FOCAD: variants seen among roughly 807,000 people sequenced by gnomAD.
The protein encoded by FOCAD is KIAA1797.
FOCAD carries 198 observed loss-of-function variants against 225.6 expected under a neutral mutation model. That is an observed-to-expected ratio of 0.88 (90% CI 0.78 to 0.99). The LOEUF (loss-of-function observed/expected upper bound fraction) is 0.99, where lower values mean the gene tolerates loss of function less well. FOCAD is among the 50% of genes least tolerant of loss of function. The probability of loss-of-function intolerance (pLI) is 0.00; values close to 1 mark genes in which losing one functional copy is unlikely to be tolerated. For missense variants in FOCAD, 2,713 were observed against 2,123.6 expected (o/e 1.28, Z -5.46); for synonymous variants, 897 against 755.0 (o/e 1.19, Z -3.08).
chr9:20,869,846 A>G (rs1405226779), intron 18 of FOCAD, among the ~76,000 whole-genome samples: 1 of 152,174 alleles, frequency 6.6e-6, no homozygotes, highest in Non-Finnish European at 1.5e-5. Flanking sequence ...TAATCACTTA[A>G]AGCACACAGA....
At chr9:20,664,527 A>T (rs1225377517) in intron 2 of FOCAD, among the ~76,000 whole-genome samples, 1 of 151,996 alleles carries the variant, frequency 6.6e-6, no homozygotes, top group East Asian at 1.9e-4. Context: ...ATTCAAGAGG[A>T]ATAAGGCAAA....
Position 20,728,932 on chromosome 9 carries a change from T to G in FOCAD, c.287+8398T>G, listed in dbSNP as rs372174232. Among the ~76,000 whole-genome samples the G allele has an allele frequency of 2.6e-5, 4 of 152,306 alleles. 1 individual carries two copies. The highest frequency in any genetic ancestry group is 9.6e-5 in the African/African-American group (4 of 41,568). The stretch of plus-strand genomic sequence containing the variant: ...GGATATAAACTGTGTGTTTTGTTCT[T>G]CTTTCTTCCTGCAGACTTTCTCTGC... On this transcript the variant is annotated intron_variant, in intron 4 of 43. Transcript: ENST00000338382.
At chr9:20,797,584 G>A (rs985480893) in intron 11 of FOCAD, among the ~76,000 whole-genome samples, 2 of 152,224 alleles carry the variant, frequency 1.3e-5, no homozygotes, top group East Asian at 3.9e-4. Context: ...AAGCAATTAT[G>A]AATGGGAATT....
intron 18 of FOCAD, among the ~76,000 whole-genome samples, chr9:20,873,575 A>G (rs932674777): frequency 3.9e-4 from 60 of 152,266 alleles, no homozygotes; most frequent in African/African-American, 1.3e-3. Context: ...ATCTGAATTA[A>G]ATCTTGTCTT....
At chr9:20,910,209 G>A (rs1444232416) in intron 22 of FOCAD, among the ~76,000 whole-genome samples, 1 of 152,060 alleles carries the variant, frequency 6.6e-6, no homozygotes, top group Non-Finnish European at 1.5e-5. Flanking sequence ...CCAACTGACA[G>A]TACAGAGGCC....
Position 20,685,268 on chromosome 9 carries a change from A to G in FOCAD, c.-33+975A>G, listed in dbSNP as rs143898445. Among the ~76,000 whole-genome samples the G allele has an allele frequency of 1.2e-3, 177 of 150,256 alleles. 1 individual carries two copies. The highest frequency in any genetic ancestry group is 1.9e-3 in the Non-Finnish European group (128 of 67,808). On this transcript the variant is annotated intron_variant, in intron 1 of 43. Coordinates refer to ENST00000338382, the MANE Select transcript of FOCAD (RefSeq NM_001375567.1). The stretch of plus-strand genomic sequence containing the variant: ...TCGTGGCTCTGAGGGTGTAATCCTG[A>G]TAACTGTATCAGTAATGACTCCAGG...
chr9:20,929,655 G>A, intron 27 of FOCAD, 59 bp downstream of exon 27: 1 of 1,319,288 alleles, frequency 7.6e-7, no homozygotes, highest in South Asian at 1.2e-5. Context: ...AAAGGATTTT[G>A]CACCCATATG....
At chr9:20,717,638 G>A (rs1258552071) in intron 2 of FOCAD, among the ~76,000 whole-genome samples, 156 bp from the exon 3 acceptor site, 1 of 152,182 alleles carries the variant, frequency 6.6e-6, no homozygotes. Context: ...TGTGCATGTG[G>A]AGTGCCTAAT....
At chr9:20,945,913 A>G (rs1256013365) in intron 29 of FOCAD, among the ~76,000 whole-genome samples, 1 of 152,134 alleles carries the variant, frequency 6.6e-6, no homozygotes, top group Non-Finnish European at 1.5e-5. Flanking sequence ...TTTATCACGA[A>G]AAAAGGAGGT....
At chr9:20,767,587 A>AT (rs1174205156) in intron 7 of FOCAD, among the ~76,000 whole-genome samples, 1 of 151,056 alleles carries the variant, frequency 6.6e-6, no homozygotes, top group Non-Finnish European at 1.5e-5. Flanking sequence ...GATAATGAGG[A>AT]TTTTTTCATG....
At chr9:20,938,606 C>A (rs1836273533) in intron 28 of FOCAD, among the ~76,000 whole-genome samples, 1 of 151,904 alleles carries the variant, frequency 6.6e-6, no homozygotes, top group South Asian at 2.1e-4. Flanking sequence ...GGAGGGATAG[C>A]ATTAGGGGAT....
At chr9:20,783,431 T>C (rs146672165) in intron 10 of FOCAD, among the ~76,000 whole-genome samples, 2 of 152,158 alleles carry the variant, frequency 1.3e-5, no homozygotes, top group Non-Finnish European at 2.9e-5. Context: ...GTCACACCTA[T>C]GAATTTAACA....
chr9:20,736,671 G>A (rs1237677784), intron 4 of FOCAD, among the ~76,000 whole-genome samples: 1 of 152,094 alleles, frequency 6.6e-6, no homozygotes. Context: ...TTATGTTATA[G>A]TATAAGTTTT....
Position 20,929,468 on chromosome 9 carries a change from G to A in FOCAD, c.3189G>A (p.Glu1063=), listed in dbSNP as rs1294258711. 1 of 1,614,096 alleles carries A rather than the reference G, an allele frequency of 6.2e-7. No homozygotes were observed. Among genetic ancestry groups the A allele is most frequent in the East Asian group, 2.2e-5 (1 of 44,874 alleles). The change falls in exon 27 of 44, where the codon GAG becomes GAA. Residue 1063 remains glutamate, a synonymous_variant. Coordinates refer to ENST00000338382, the MANE Select transcript of FOCAD (RefSeq NM_001375567.1). The part of the protein sequence containing the change: ...VFIISCKEKV[E]EILNMLTARL... The stretch of plus-strand genomic sequence containing the variant: ...TTATCTCTTGCAAAGAGAAGGTTGA[G>A]GAAATCCTGAACATGCTGACTGCCA...
At chr9:20,699,584 A>G (rs1459974582) in intron 1 of FOCAD, among the ~76,000 whole-genome samples, 5 of 150,524 alleles carry the variant, frequency 3.3e-5, no homozygotes, top group African/African-American at 9.8e-5. Flanking sequence ...TACTAAAAAT[A>G]CAGATACACT....
chr9:20,749,626 A>C (rs187515095), intron 5 of FOCAD, among the ~76,000 whole-genome samples: 2 of 152,186 alleles, frequency 1.3e-5, no homozygotes, highest in East Asian at 3.9e-4. Context: ...AGTAAGTGCT[A>C]TGCTATGCTT....
chr9:20,687,489 C>T (rs1357936724), intron 1 of FOCAD, among the ~76,000 whole-genome samples: 3 of 152,120 alleles, frequency 2.0e-5, no homozygotes, highest in Non-Finnish European at 4.4e-5. Context: ...TTTGGCCTAC[C>T]TGCTTTCATA....
At chr9:20,713,130 T>C (rs980153551) in intron 1 of FOCAD, among the ~76,000 whole-genome samples, 7 of 152,200 alleles carry the variant, frequency 4.6e-5, no homozygotes, top group African/African-American at 1.7e-4. Context: ...AGTGATTCTA[T>C]TGAAATCCTA....
In FOCAD at chr9:20,881,862, C is replaced by T. The variant is rs369876009; in HGVS notation, c.2318-9C>T. 3 of 1,610,476 alleles carry T rather than the reference C, an allele frequency of 1.9e-6. No homozygotes were observed. The African/African-American group carries it at 4.0e-5, about 22-fold the overall frequency. On this transcript the variant is annotated splice_polypyrimidine_tract_variant and intron_variant, in intron 19 of 43. Coordinates refer to ENST00000338382, the MANE Select transcript of FOCAD (RefSeq NM_001375567.1). ...ACTCTACTTTTGGTCTCCTTTTATC[C>T]TCTTTTAGCTTTGGAGGAATTTTTT...
Sources: allele counts gnomAD v4.1 joint callset (sites outside exome capture counted in the v4.1 genomes callset), GRCh38; gene constraint gnomAD v4.1.1; transcripts MANE v1.5; gene names NCBI Gene and HGNC (gene_info 2026-07-23, HGNC 2026-07-21).